The following PCDHA4 variants were observed in gnomAD, a reference collection of about 807,000 sequenced individuals.
The protein encoded by PCDHA4 is protocadherin alpha-4.
PCDHA4 carries 49 observed loss-of-function variants against 61.4 expected under a neutral mutation model. That is an observed-to-expected ratio of 0.80 (90% CI 0.63 to 1.01). The LOEUF is 1.01. PCDHA4 is among the 50% of genes least tolerant of loss of function. The pLI is 0.00. For missense variants in PCDHA4, 1,254 were observed against 1,235.8 expected (o/e 1.01, Z -0.22); for synonymous variants, 590 against 550.3 (o/e 1.07, Z -1.01).
Position 140,978,953 on chromosome 5 carries a change from G to T in PCDHA4, c.2390G>T (p.Arg797Leu), listed in dbSNP as rs781913955. The T allele has an allele frequency of 6.2e-7, 1 of 1,614,048 alleles. No individual in the cohort carries two copies. Among genetic ancestry groups the T allele is most frequent in the Admixed American group, 1.7e-5 (1 of 59,996 alleles). The change falls in exon 2 of 4, where the codon CGA becomes CTA. Residue 797 changes from arginine to leucine, a missense_variant. Physicochemically the swap from Arg to Leu is moderately radical, Grantham distance 102 (BLOSUM62 -2). Coordinates refer to ENST00000530339, the MANE Select transcript of PCDHA4 (RefSeq NM_018907.4). ...ACTCTCTTTGTGATTTTGCAGCCAC[G>T]ACAGCCCAACCCTGACTGGCGTTAC... ...QTTEESFAKP[R>L]QPNPDWRYSA... is the part of the protein sequence containing the mutation.
At chr5:140,941,750 T>C (rs528792646) in intron 1 of PCDHA4, among the ~76,000 whole-genome samples, 2 of 152,384 alleles carry the variant, frequency 1.3e-5, no homozygotes, top group Admixed American at 6.5e-5. Flanking sequence ...TATCAGATTT[T>C]CAGTGCTTTT....
chr5:140,839,198 C>T (rs1030704020), intron 1 of PCDHA4, among the ~76,000 whole-genome samples: 23 of 106,832 alleles, frequency 2.2e-4, no homozygotes, highest in Non-Finnish European at 4.1e-4. Flanking sequence ...CTATAAATAT[C>T]TTTGACCTTC....
At chr5:140,850,158 G>T (rs1189332521) in intron 1 of PCDHA4, 3 of 1,595,230 alleles carry the variant, frequency 1.9e-6, no homozygotes, top group African/African-American at 2.7e-5. Flanking sequence ...GCAGGTGTTC[G>T]TGCTGGACGA....
chr5:141,009,833 G>A lies in PCDHA4; in HGVS notation c.2740G>A (p.Gly914Ser), dbSNP rs782642898. The A allele has an allele frequency of 8.7e-6, 14 of 1,613,366 alleles. No homozygotes were observed. The highest frequency in any genetic ancestry group is 2.7e-5 in the African/African-American group (2 of 74,746). ...TGACAAAAGTGACTTCATAACCTTC[G>A]GCAAAAAGGAGGAGACCAAGAAAAA... ...QIDKSDFITF[G>S]KKEETKKKKK... Residue 914 changes from glycine (G) to serine (S), a missense_variant, in exon 4 of 4, where the codon GGC (glycine) becomes AGC (serine). Physicochemically the swap from Gly to Ser is moderately conservative, Grantham distance 56 (BLOSUM62 0). Coordinates refer to ENST00000530339, the MANE Select transcript of PCDHA4 (RefSeq NM_018907.4).
chr5:140,822,084 C>T (rs2150113560), intron 1 of PCDHA4: 2 of 1,614,224 alleles, frequency 1.2e-6, no homozygotes, highest in Non-Finnish European at 1.7e-6. Context: ...AGTGCAGCAT[C>T]CACCTGGAGG....
At chr5:140,873,283 A>G (rs1554166657) in intron 1 of PCDHA4, among the ~76,000 whole-genome samples, 1 of 152,258 alleles carries the variant, frequency 6.6e-6, no homozygotes, top group Non-Finnish European at 1.5e-5. Flanking sequence ...CATACCACTT[A>G]TGAAACTTTA....
At chr5:140,909,632 A>G (rs781948813) in intron 1 of PCDHA4, among the ~76,000 whole-genome samples, 3 of 152,038 alleles carry the variant, frequency 2.0e-5, no homozygotes, top group South Asian at 2.1e-4. Flanking sequence ...TGGTCTTCCT[A>G]TTTTGTCTTT....
chr5:140,916,579 T>C (rs1013124807), intron 1 of PCDHA4, among the ~76,000 whole-genome samples: 14 of 152,176 alleles, frequency 9.2e-5, no homozygotes, highest in Non-Finnish European at 1.6e-4. Context: ...AGAAATGTCA[T>C]CCATGAGCTA....
In PCDHA4 at chr5:140,846,520, G is replaced by A. The variant is rs1780530072; in HGVS notation, c.2385+36948G>A. Among the ~76,000 whole-genome samples, 3 of 147,948 alleles carry A rather than the reference G, an allele frequency of 2.0e-5. No homozygotes were observed. In the Admixed American group the frequency reaches 2.0e-4, roughly 10 times the overall value. ...CTCCCAAGTAGCTGGGATTACAGGT[G>A]CATGCCACCATGCCCTGCTAATTTT... On this transcript the variant is annotated intron_variant, in intron 1 of 3. Transcript: ENST00000530339.
intron 1 of PCDHA4, chr5:140,849,034 T>A: frequency 6.3e-7 from 1 of 1,579,556 alleles, no homozygotes; most frequent in Non-Finnish European, 8.6e-7. Context: ...TATTTCTTCC[T>A]GGACGTGCCA....
In PCDHA4 at chr5:140,808,480, C is replaced by T. The variant is rs782378137; in HGVS notation, c.1293C>T (p.Gly431=). The T allele has an allele frequency of 2.5e-6, 4 of 1,614,062 alleles. No homozygotes were observed. The East Asian group carries it at 6.7e-5, about 27-fold the overall frequency. Reference sequence around the variant, plus strand: ...TGGTGGTGACCGCGCGAGACGGGGGCTCGCCTTCGCTGTGGGCCACGGCCA... The same window carrying T: ...TGGTGGTGACCGCGCGAGACGGGGGTTCGCCTTCGCTGTGGGCCACGGCCA... ...YELVVTARDG[G]SPSLWATASV... is the part of the protein sequence containing the mutation. The change falls in exon 1 of 4, where the codon GGC becomes GGT. Residue 431 remains glycine, a synonymous_variant. Transcript: ENST00000530339.
At position 140,882,396 on chromosome 5, in the gene PCDHA4, C is replaced by G; in HGVS notation, c.2385+72824C>G. The G allele has an allele frequency of 1.9e-6, 3 of 1,614,196 alleles. No homozygotes were observed. In the South Asian group the frequency reaches 3.3e-5, roughly 18 times the overall value. On this transcript the variant is annotated intron_variant, in intron 1 of 3. Transcript: ENST00000530339. ...GTCCCCGAGGAAGCAAAACACGGCA[C>G]CTTCGTGGGCCGCATCGCTCAGGAC...
chr5:140,894,827 T>G (rs2064691411), intron 1 of PCDHA4, among the ~76,000 whole-genome samples: 1 of 152,192 alleles, frequency 6.6e-6, no homozygotes, highest in South Asian at 2.1e-4. Flanking sequence ...TTGCCCATAA[T>G]CCTTTTCTTA....
At chr5:140,977,307 G>C (rs1023836424) in intron 1 of PCDHA4, among the ~76,000 whole-genome samples, 1 of 152,186 alleles carries the variant, frequency 6.6e-6, no homozygotes, top group Admixed American at 6.5e-5. Flanking sequence ...ACAAGCTAAC[G>C]ATAGTGCTCC....
At chr5:140,811,445 T>C (rs1764870154) in intron 1 of PCDHA4, 1 of 152,238 alleles carries the variant, frequency 6.6e-6, no homozygotes, top group African/African-American at 2.4e-5. Flanking sequence ...TCTTTGCTAT[T>C]GTGAATAGTG....
At chr5:140,832,345 G>T (rs2150201218) in intron 1 of PCDHA4, among the ~76,000 whole-genome samples, 1,544 of 152,284 alleles carry the variant, frequency 0.01, 30 homozygotes, top group African/African-American at 0.036. Context: ...GTTGTGGTTT[G>T]TGTTTCCTAA....
chr5:140,928,296 T>C (rs2085128137), intron 1 of PCDHA4: 6 of 1,614,054 alleles, frequency 3.7e-6, no homozygotes, highest in African/African-American at 1.3e-5. Flanking sequence ...GCCGAGTGTT[T>C]GCCCAGGACC....
chr5:140,870,972 G>A, intron 1 of PCDHA4: 2 of 1,613,640 alleles, frequency 1.2e-6, no homozygotes, highest in Non-Finnish European at 1.7e-6. Flanking sequence ...CGTTCCGCGT[G>A]GGGCTGTACA....
At chr5:140,911,464 A>T (rs1300349898) in intron 1 of PCDHA4, among the ~76,000 whole-genome samples, 2 of 152,144 alleles carry the variant, frequency 1.3e-5, no homozygotes, top group African/African-American at 2.4e-5. Flanking sequence ...TCTACAGGAG[A>T]TAAGACTCTC....
Sources: gnomAD v4.1 joint callset for allele counts (sites outside exome capture counted in the v4.1 genomes callset) on GRCh38, gnomAD v4.1.1 for gene constraint, MANE v1.5 for transcripts, NCBI Gene and HGNC (gene_info 2026-07-23, HGNC 2026-07-21) for gene names.